Variants in ALCAM observed in about 807,000 individuals in gnomAD.
ALCAM encodes CD166 antigen.
A neutral mutation model predicts 70.9 loss-of-function variants in ALCAM; 30 were observed. That is an observed-to-expected ratio of 0.42 (90% CI 0.32 to 0.57). ALCAM has a LOEUF of 0.57. Ranked by LOEUF, ALCAM falls within the 20% of genes least tolerant of loss-of-function variation. The probability of loss-of-function intolerance (pLI) is 0.11; values close to 1 mark genes in which losing one functional copy is unlikely to be tolerated. For missense variants in ALCAM, 591 were observed against 695.1 expected, an observed-to-expected ratio of 0.85 and a Z score of 1.68; for synonymous variants, 249 against 242.5, an observed-to-expected ratio of 1.03 and a Z score of -0.25.
chr3:105,455,771 A>C (rs1318195695), intron 1 of ALCAM, among the ~76,000 whole-genome samples: 1 of 152,190 alleles, frequency 6.6e-6, no homozygotes, highest in Non-Finnish European at 1.5e-5. Context: ...CTTTTCCGGG[A>C]AATTTCTACC....
intron 4 of ALCAM, 53 bp from the exon 5 acceptor site, chr3:105,533,550 A>C (rs1407129149): frequency 6.5e-7 from 1 of 1,527,680 alleles, no homozygotes. Flanking sequence ...GAGTTTCCAA[A>C]TTGACAGCCC....
At position 105,534,688 on chromosome 3, in the gene ALCAM, A is replaced by T; in HGVS notation, c.573A>T (p.Glu191Asp). 1.9e-6 allele frequency: 3 copies of T among 1,613,722 alleles called. No individual in the cohort carries two copies. Among genetic ancestry groups the T allele is most frequent in the Non-Finnish European group, 2.5e-6 (3 of 1,179,748 alleles). ...EGAVVIIFKK[E>D]MDPVTQLYTM... is the part of the protein sequence containing the mutation. ...CGGTGGTCATAATTTTTAAAAAGGA[A>T]ATGGACCCAGTGACTCAGCTCTATA... The change falls in exon 6 of 16, where the codon GAA (glutamate) becomes GAT (aspartate). Residue 191 changes from glutamate to aspartate, a missense_variant. Physicochemically the swap from Glu to Asp is conservative, Grantham distance 45. This residue lies in a region of ALCAM where 427 missense variants were observed against 450.4 expected (regional missense o/e 0.95). Transcript: ENST00000306107.
At chr3:105,493,165 A>T (rs1017157045) in intron 1 of ALCAM, among the ~76,000 whole-genome samples, 2 of 152,200 alleles carry the variant, frequency 1.3e-5, no homozygotes, top group African/African-American at 4.8e-5. Context: ...CTGCTTGGAT[A>T]GCCTTTTGCA....
intron 1 of ALCAM, among the ~76,000 whole-genome samples, chr3:105,490,256 C>T (rs1302310000): frequency 6.6e-6 from 1 of 152,306 alleles, no homozygotes. Flanking sequence ...TCTTCCATTC[C>T]TACCCTTTCA....
intron 1 of ALCAM, among the ~76,000 whole-genome samples, chr3:105,403,498 T>A (rs1455838291): frequency 6.6e-6 from 1 of 152,066 alleles, no homozygotes; most frequent in Non-Finnish European, 1.5e-5. Flanking sequence ...TCATGACGGT[T>A]TGGCTCTCAG....
rs980969176 is a variant in ALCAM at position 105,547,420 on chromosome 3, C to A, written c.1271C>A (p.Thr424Asn). Residue 424 changes from threonine (T) to asparagine (N), a missense_variant, in exon 11 of 16, where the codon ACT (threonine) becomes AAT (asparagine). This residue lies in a region of ALCAM where 164 missense variants were observed against 244.7 expected (regional missense o/e 0.67). Transcript: ENST00000306107. ...CCTCAAATAAAAATGACAAAGAAAA[C>A]TGATCCCAGTGGACTATCTAAAACA... ...GKPQIKMTKK[T>N]DPSGLSKTII... 6.2e-7 allele frequency: 1 copy of A among 1,607,478 alleles called. No homozygotes were observed. The highest frequency in any genetic ancestry group is 1.7e-5 in the Admixed American group (1 of 59,112).
chr3:105,552,005 G>A (rs574456870), intron 12 of ALCAM, 139 bp from the exon 13 acceptor site: 1 of 522,366 alleles, frequency 1.9e-6, no homozygotes, highest in African/African-American at 2.1e-5. Context: ...TATTAAGTGT[G>A]ATTTTTTTTT....
chr3:105,464,178 A>AT (rs1027870302), intron 1 of ALCAM, among the ~76,000 whole-genome samples: 11 of 151,414 alleles, frequency 7.3e-5, no homozygotes, highest in Non-Finnish European at 1.5e-4. Context: ...TAAAATTAAG[A>AT]TTTTTTTAAT....
intron 1 of ALCAM, among the ~76,000 whole-genome samples, chr3:105,477,806 C>G (rs1455992873): frequency 6.6e-6 from 1 of 151,914 alleles, no homozygotes; most frequent in African/African-American, 2.4e-5. Flanking sequence ...TATGTTTTAT[C>G]TCTCTTGAAG....
intron 1 of ALCAM, among the ~76,000 whole-genome samples, chr3:105,481,840 C>A (rs765960068): frequency 1.3e-5 from 2 of 151,924 alleles, no homozygotes; most frequent in Non-Finnish European, 2.9e-5. Flanking sequence ...CTTATAAAAT[C>A]ATAAAGGTGT....
intron 12 of ALCAM, 50 bp from the exon 13 acceptor site, chr3:105,552,092 CAT>C: frequency 7.2e-7 from 1 of 1,382,440 alleles, no homozygotes; most frequent in Non-Finnish European, 1.0e-6. Context: ...AGGTGACTTT[CAT>C]ATATCAACAA....
At chr3:105,411,614 A>G (rs1173862369) in intron 1 of ALCAM, among the ~76,000 whole-genome samples, 9 of 152,116 alleles carry the variant, frequency 5.9e-5, no homozygotes, top group Non-Finnish European at 1.3e-4. Flanking sequence ...TTCCCATCTT[A>G]GGGAATACTG....
At chr3:105,406,427 T>C (rs1477977725) in intron 1 of ALCAM, among the ~76,000 whole-genome samples, 2 of 152,196 alleles carry the variant, frequency 1.3e-5, no homozygotes, top group African/African-American at 4.8e-5. Context: ...AGCCATTGTA[T>C]AAGGGCACTG....
chr3:105,524,234 T>C, intron 2 of ALCAM, 55 bp from the exon 3 acceptor site: 1 of 1,404,510 alleles, frequency 7.1e-7, no homozygotes. Context: ...TTGAATGTAA[T>C]CCTGAAACAT....
At chr3:105,535,421 T>C (rs2152627733) in intron 6 of ALCAM, among the ~76,000 whole-genome samples, 1 of 152,288 alleles carries the variant, frequency 6.6e-6, no homozygotes, top group Middle Eastern at 3.4e-3. Context: ...TCTCCATTGC[T>C]GTGCTTTCCT....
chr3:105,421,322 A>G (rs1470344554), intron 1 of ALCAM, among the ~76,000 whole-genome samples: 3 of 151,382 alleles, frequency 2.0e-5, no homozygotes, highest in Non-Finnish European at 4.4e-5. Flanking sequence ...GAAAAGGAGA[A>G]TTGTGTTTGT....
chr3:105,379,358 A>G (rs968136458), intron 1 of ALCAM, among the ~76,000 whole-genome samples: 2 of 151,950 alleles, frequency 1.3e-5, no homozygotes, highest in Non-Finnish European at 2.9e-5. Context: ...ACTGAAAAGT[A>G]TATTTTATTA....
intron 3 of ALCAM, among the ~76,000 whole-genome samples, chr3:105,527,423 C>T (rs2152625377): frequency 6.6e-6 from 1 of 152,218 alleles, no homozygotes; most frequent in Non-Finnish European, 1.5e-5. Flanking sequence ...AGATTCACTC[C>T]TCATCAGTAA....
At chr3:105,573,372 A>T (rs528087260) in intron 15 of ALCAM, among the ~76,000 whole-genome samples, 1 of 150,828 alleles carries the variant, frequency 6.6e-6, no homozygotes, top group Admixed American at 6.7e-5. Flanking sequence ...TAGATATTTA[A>T]TAAAAGCGTG....
Sources: allele counts gnomAD v4.1 joint callset (sites outside exome capture counted in the v4.1 genomes callset), GRCh38; gene constraint gnomAD v4.1.1; regional missense constraint gnomAD v4.1.1; transcripts MANE v1.5; gene names NCBI Gene and HGNC (gene_info 2026-07-23, HGNC 2026-07-21).